SLC30A7: variants seen among roughly 807,000 people sequenced by gnomAD.
SLC30A7 encodes the protein solute carrier family 30 member 7, also known as zinc transporter 7.
A neutral mutation model predicts 46.0 loss-of-function variants in SLC30A7; 35 were observed. The observed-to-expected ratio is 0.76, with a 90% confidence interval of 0.58 to 1.01. The LOEUF (loss-of-function observed/expected upper bound fraction) is 1.01. Among genes scored for constraint, SLC30A7 ranks in the 50% least tolerant of loss-of-function variants. SLC30A7 has a pLI of 0.00. For synonymous variants in SLC30A7, 147 were observed against 157.8 expected (o/e 0.93, Z 0.51); for missense variants, 464 against 451.1 (o/e 1.03, Z -0.26).
At chr1:100,929,519 C>T (rs1376696921) in intron 8 of SLC30A7, among the ~76,000 whole-genome samples, 1 of 151,958 alleles carries the variant, frequency 6.6e-6, no homozygotes, top group Non-Finnish European at 1.5e-5. Flanking sequence ...AAGTATTTTT[C>T]CCTACCATTA....
chr1:100,901,570 T>A (rs945175393), intron 2 of SLC30A7, among the ~76,000 whole-genome samples: 3 of 152,168 alleles, frequency 2.0e-5, no homozygotes, highest in Non-Finnish European at 4.4e-5. Context: ...TCCTCCTGCC[T>A]CAGCCTCCCA....
chr1:100,966,293 C>T (rs1170609933), intron 10 of SLC30A7, among the ~76,000 whole-genome samples: 1 of 151,296 alleles, frequency 6.6e-6, no homozygotes. Flanking sequence ...AGCATAAAAC[C>T]ACATTTTTGG....
Position 100,961,829 on chromosome 1 carries a change from G to A in SLC30A7, c.844G>A (p.Val282Ile). The A allele has an allele frequency of 6.3e-7, 1 of 1,579,760 alleles. No individual in the cohort carries two copies. The highest frequency in any genetic ancestry group is 8.7e-7 in the Non-Finnish European group (1 of 1,154,398). ...ILIAILIVVS[V>I]IPLLRESVGI... ...AATTGTTGTCTTCCTTTTCCTTAGT[G>A]TTATTCCTCTTTTAAGAGAATCTGT... Residue 282 changes from valine to isoleucine, a missense_variant and splice_region_variant, in exon 9 of 11, where the codon GTT becomes ATT. Transcript: ENST00000357650.
chr1:100,992,787 A>C, the SLC30A7 span: 1 of 1,285,536 alleles, frequency 7.8e-7, no homozygotes, highest in Non-Finnish European at 1.1e-6. Flanking sequence ...ATGAAACTAC[A>C]TAATATGTTA....
At chr1:100,919,410 A>G (rs1291858675) in intron 7 of SLC30A7, among the ~76,000 whole-genome samples, 1 of 152,070 alleles carries the variant, frequency 6.6e-6, no homozygotes. Flanking sequence ...ATTTGTCTTC[A>G]CTATTTCTTT....
chr1:100,906,640 G>A (rs1397699051), intron 2 of SLC30A7, among the ~76,000 whole-genome samples: 1 of 152,020 alleles, frequency 6.6e-6, no homozygotes, highest in Non-Finnish European at 1.5e-5. Flanking sequence ...TACCTCTCTC[G>A]CAGCAGCTGG....
chr1:100,913,861 G>C, intron 6 of SLC30A7, 55 bp downstream of exon 6: 2 of 1,567,012 alleles, frequency 1.3e-6, no homozygotes, highest in Non-Finnish European at 1.7e-6. Flanking sequence ...GAGTTTTGTG[G>C]ATTACTTTTC....
At chr1:100,934,480 CA>C (rs991322394) in intron 8 of SLC30A7, among the ~76,000 whole-genome samples, 2 of 151,948 alleles carry the variant, frequency 1.3e-5, no homozygotes, top group African/African-American at 4.8e-5. Context: ...CTCTATTATC[CA>C]GATAAACTGC....
At chr1:100,914,209 A>G (rs975687212) in intron 6 of SLC30A7, among the ~76,000 whole-genome samples, 8 of 152,192 alleles carry the variant, frequency 5.3e-5, no homozygotes, top group African/African-American at 7.2e-5. Context: ...AAACAATCCA[A>G]TTATACTCTT....
intron 8 of SLC30A7, among the ~76,000 whole-genome samples, chr1:100,923,728 A>G (rs555665324): frequency 5.3e-5 from 8 of 152,302 alleles, no homozygotes; most frequent in Admixed American, 3.9e-4. Flanking sequence ...GCAGATAGCT[A>G]TGATGGTGCC....
intron 8 of SLC30A7, among the ~76,000 whole-genome samples, chr1:100,936,976 T>C (rs1654001289): frequency 6.6e-6 from 1 of 152,202 alleles, no homozygotes; most frequent in African/African-American, 2.4e-5. Context: ...TATTTACTTA[T>C]ACACATAGAT....
intron 8 of SLC30A7, among the ~76,000 whole-genome samples, chr1:100,932,723 T>G (rs1332507143): frequency 6.6e-6 from 1 of 151,926 alleles, no homozygotes; most frequent in Non-Finnish European, 1.5e-5. Flanking sequence ...AATACAAAGA[T>G]CTCACCAAGT....
rs1656728058 is a variant in SLC30A7, at chr1:100,978,849, CATTTTAA to C, written c.*3994_*4000del. On this transcript the variant is annotated 3_prime_UTR_variant, in exon 11 of 11. Transcript: ENST00000357650. The stretch of plus-strand genomic sequence containing the variant: ...TTACTCTTATAAAACCAGTTCCTGA[CATTTTAA>C]AAAACAATATCTGTAAAATGGATCC... 1 of 152,140 alleles carries C rather than the reference CATTTTAA, an allele frequency of 6.6e-6. No homozygotes were observed. The highest frequency in any genetic ancestry group is 1.5e-5 in the Non-Finnish European group (1 of 68,018). 9.4% of individuals were successfully genotyped at this position (152,140 alleles called of 1,614,324 possible). A position where few individuals can be genotyped will look rare whatever the true frequency, so the allele number is the denominator to read the frequency against.
intron 2 of SLC30A7, among the ~76,000 whole-genome samples, chr1:100,900,589 A>G (rs1021938210): frequency 1.3e-5 from 2 of 152,218 alleles, no homozygotes; most frequent in Non-Finnish European, 2.9e-5. Flanking sequence ...CCTTAAAAAC[A>G]TAGATAAATA....
At chr1:100,956,895 A>G (rs1433941994) in intron 8 of SLC30A7, among the ~76,000 whole-genome samples, 1 of 152,250 alleles carries the variant, frequency 6.6e-6, no homozygotes, top group African/African-American at 2.4e-5. Context: ...CTTTAAATTC[A>G]TATGTGCCTT....
chr1:100,994,477 G>A, the SLC30A7 span, among the ~76,000 whole-genome samples: 10 of 151,556 alleles, frequency 6.6e-5, no homozygotes. Context: ...ATAAGGCTCA[G>A]AGATGGAAGT....
intron 7 of SLC30A7, among the ~76,000 whole-genome samples, chr1:100,920,962 T>C (rs897680926): frequency 1.3e-5 from 2 of 152,098 alleles, no homozygotes; most frequent in African/African-American, 4.8e-5. Context: ...TCAGAAAGTA[T>C]TGTACATAAA....
chr1:100,911,138 A>C lies in SLC30A7; in HGVS notation c.372A>C (p.Ser124=), dbSNP rs1652065438. The change falls in exon 4 of 11, where the codon TCA becomes TCC. Residue 124 remains serine, a synonymous_variant. Coordinates refer to ENST00000357650, the MANE Select transcript of SLC30A7 (RefSeq NM_133496.5). ...TCTTCACTGCTTTTTTTATTTTCTC[A>C]GAAGGAGTTGAGGTATAGTAGATAA... ...FLIFTAFFIF[S]EGVERALAPP... 8 of 1,608,850 alleles carry C rather than the reference A, an allele frequency of 5.0e-6. No individual in the cohort carries two copies. The highest frequency in any genetic ancestry group is 6.8e-6 in the Non-Finnish European group (8 of 1,176,384).
At chr1:100,958,764 G>C (rs1345993212) in intron 8 of SLC30A7, among the ~76,000 whole-genome samples, 1 of 152,178 alleles carries the variant, frequency 6.6e-6, no homozygotes, top group Non-Finnish European at 1.5e-5. Context: ...AACACCATCT[G>C]AGATGCTGGG....
Sources: gnomAD v4.1 joint callset for allele counts (sites outside exome capture counted in the v4.1 genomes callset) on GRCh38, gnomAD v4.1.1 for gene constraint, MANE v1.5 for transcripts, NCBI Gene and HGNC (gene_info 2026-07-23, HGNC 2026-07-21) for gene names.